CTBP2: variants seen among roughly 807,000 people sequenced by gnomAD.
The protein encoded by CTBP2 is C-terminal binding protein 2.
CTBP2 carries 30 observed loss-of-function variants against 80.3 expected under a neutral mutation model. That is an observed-to-expected ratio of 0.37 (90% CI 0.28 to 0.51). The LOEUF (loss-of-function observed/expected upper bound fraction) is 0.51, where lower values mean the gene tolerates loss of function less well. Among genes scored for constraint, CTBP2 ranks in the 20% least tolerant of loss-of-function variants. CTBP2 has a pLI of 0.93. For synonymous variants in CTBP2, 594 were observed against 587.4 expected, an observed-to-expected ratio of 1.01 and a Z score of -0.16; for missense variants, 1,212 against 1,375.3, an observed-to-expected ratio of 0.88 and a Z score of 1.88.
At chr10:125,001,822 A>T (rs933585825) in intron 3 of CTBP2, among the ~76,000 whole-genome samples, 1 of 152,134 alleles carries the variant, frequency 6.6e-6, no homozygotes, top group Admixed American at 6.5e-5. Context: ...GCCGTGAAGG[A>T]TTCAACTAAG....
At chr10:125,151,831 G>A (rs978416129) in intron 1 of CTBP2, among the ~76,000 whole-genome samples, 1 of 152,182 alleles carries the variant, frequency 6.6e-6, no homozygotes, top group African/African-American at 2.4e-5. Context: ...TTGAGGCGGC[G>A]TCTAGCTGGA....
rs1326797810 is a variant in CTBP2 at position 124,986,123 on chromosome 10, C to CT, written c.*3394dup. 6.6e-6 allele frequency: 1 copy of CT among 152,498 alleles called. No homozygotes were observed. Among genetic ancestry groups the CT allele is most frequent in the Non-Finnish European group, 1.5e-5 (1 of 68,000 alleles). 9.4% of individuals were successfully genotyped at this position (152,498 alleles called of 1,614,324 possible). On this transcript the variant is annotated 3_prime_UTR_variant, in exon 9 of 9. Transcript: ENST00000309035. ...AAAACTATAATCTTAGGTAGAAAAA[C>CT]TTTTTTATAAGAAGTATTATTTGAC...
At chr10:125,013,535 T>G (rs889843217) in intron 1 of CTBP2, among the ~76,000 whole-genome samples, 1 of 152,168 alleles carries the variant, frequency 6.6e-6, no homozygotes, top group Non-Finnish European at 1.5e-5. Context: ...AACAAAGGGA[T>G]GGTAAACAGT....
chr10:125,104,472 C>T (rs1027960879), intron 2 of CTBP2, among the ~76,000 whole-genome samples: 8 of 152,234 alleles, frequency 5.3e-5, no homozygotes, highest in East Asian at 1.9e-4. Flanking sequence ...TTGTTTGCTC[C>T]GCGTGCCTGA....
intron 1 of CTBP2, among the ~76,000 whole-genome samples, chr10:125,151,325 G>C (rs1367689330): frequency 6.6e-6 from 1 of 152,110 alleles, no homozygotes; most frequent in Admixed American, 6.5e-5. Context: ...GGGAGCCGCC[G>C]GGGTGAACAG....
At chr10:125,024,973 A>T (rs1293735696) in intron 1 of CTBP2, among the ~76,000 whole-genome samples, 1 of 152,190 alleles carries the variant, frequency 6.6e-6, no homozygotes, top group African/African-American at 2.4e-5. Context: ...GGTCATCTCT[A>T]GGAGGTAATA....
intron 1 of CTBP2, chr10:125,006,151 G>A: frequency 2.2e-6 from 1 of 448,420 alleles, no homozygotes; most frequent in Non-Finnish European, 3.4e-6. Flanking sequence ...CCTCCCTGAT[G>A]GCCGGGCACG....
intron 2 of CTBP2, among the ~76,000 whole-genome samples, chr10:125,080,988 T>G (rs1019495188): frequency 2.6e-5 from 4 of 151,096 alleles, no homozygotes; most frequent in Non-Finnish European, 5.9e-5. Context: ...GATAATAGCT[T>G]TACAGTGGAG....
chr10:125,026,888 G>A lies in CTBP2; in HGVS notation c.872C>T (p.Pro291Leu). ...CGCCCGCAGAAAGGCCAGGAACTCAGGGAGCACGGTCCTCTTGCCACCAGG... is the reference window on the plus strand; with the variant it reads ...CGCCCGCAGAAAGGCCAGGAACTCAAGGAGCACGGTCCTCTTGCCACCAGG... The change falls in exon 1 of 9, where the codon CCT (proline) becomes CTT (leucine). Residue 291 changes from proline to leucine, a missense_variant. Coordinates refer to ENST00000309035, the MANE Select transcript of CTBP2 (RefSeq NM_022802.3). The A allele has an allele frequency of 1.2e-6, 2 of 1,613,974 alleles. No homozygotes were observed. Among genetic ancestry groups the A allele is most frequent in the Non-Finnish European group, 1.7e-6 (2 of 1,180,014 alleles).
chr10:124,995,165 C>T (rs988061222), intron 4 of CTBP2, among the ~76,000 whole-genome samples: 1 of 152,238 alleles, frequency 6.6e-6, no homozygotes, highest in Non-Finnish European at 1.5e-5. Flanking sequence ...CAAAGGGTGA[C>T]ATGAGCACAA....
intron 1 of CTBP2, among the ~76,000 whole-genome samples, chr10:125,008,441 G>C (rs1436248715): frequency 6.6e-6 from 1 of 152,246 alleles, no homozygotes; most frequent in African/African-American, 2.4e-5. Flanking sequence ...AGCTGACCGA[G>C]CTATCACATT....
intron 1 of CTBP2, among the ~76,000 whole-genome samples, chr10:125,115,857 G>T (rs1853169123): frequency 6.6e-6 from 1 of 152,108 alleles, no homozygotes; most frequent in South Asian, 2.1e-4. Flanking sequence ...GAACCATCCA[G>T]AATTCTGCAC....
chr10:125,018,191 G>A (rs1423787623), intron 1 of CTBP2, among the ~76,000 whole-genome samples: 2 of 152,198 alleles, frequency 1.3e-5, no homozygotes, highest in African/African-American at 4.8e-5. Flanking sequence ...AATGTCCAGA[G>A]TCTTCCTGGG....
upstream of CTBP2, chr10:125,160,955 A>G (rs1013205743): frequency 6.7e-6 from 1 of 150,036 alleles, no homozygotes; most frequent in African/African-American, 2.5e-5. Flanking sequence ...CGGAGAGAAA[A>G]GGAAAGGAAA....
chr10:125,045,691 A>G (rs1011578254), intron 2 of CTBP2, among the ~76,000 whole-genome samples: 16 of 152,106 alleles, frequency 1.1e-4, no homozygotes, highest in African/African-American at 3.6e-4. Flanking sequence ...GGGTTTCACC[A>G]CGTTGGCCAG....
Position 125,066,534 on chromosome 10 carries a change from C to T in CTBP2, c.-101-27379G>A, listed in dbSNP as rs1433209134. Among the ~76,000 whole-genome samples, 2 of 152,140 alleles carry T rather than the reference C, an allele frequency of 1.3e-5. No individual in the cohort carries two copies. Among genetic ancestry groups the T allele is most frequent in the South Asian group, 4.1e-4 (2 of 4,830 alleles). The stretch of plus-strand genomic sequence containing the variant: ...GTACAGGAGCCTGCTGGGGGTAGCT[C>T]ACGGGGACTGGAAGCATGGCCCTGA... On this transcript the variant is annotated intron_variant, in intron 2 of 10. Transcript: ENST00000337195. The surrounding 1 kb of genome is among the most constrained non-coding windows in gnomAD (Gnocchi z 4.1).
chr10:124,985,047 G>C lies in CTBP2; in HGVS notation c.*4471C>G. The stretch of plus-strand genomic sequence containing the variant: ...GCATCAGATCTGTAATGACCCTAAA[G>C]TTAGTGTGGTGCTCCAAGCAGAGTC... On this transcript the variant is annotated 3_prime_UTR_variant, in exon 9 of 9. Coordinates refer to ENST00000309035, the MANE Select transcript of CTBP2 (RefSeq NM_022802.3). 7.3e-7 allele frequency: 1 copy of C among 1,362,846 alleles called. No individual in the cohort carries two copies. The highest frequency in any genetic ancestry group is 1.0e-6 in the Non-Finnish European group (1 of 978,974). 84.4% of individuals were successfully genotyped at this position (1,362,846 alleles called of 1,614,324 possible).
At chr10:125,063,993 G>GC (rs1243201756) in intron 2 of CTBP2, among the ~76,000 whole-genome samples, 2 of 152,034 alleles carry the variant, frequency 1.3e-5, no homozygotes, top group Non-Finnish European at 2.9e-5. Context: ...AACTTTAGAG[G>GC]CCATCGTAAT....
chr10:125,131,252 C>A (rs530417377), intron 1 of CTBP2, among the ~76,000 whole-genome samples: 1 of 152,174 alleles, frequency 6.6e-6, no homozygotes, highest in South Asian at 2.1e-4. Context: ...AGCAGAAGAT[C>A]AGGAGCGTCT....
Sources: gnomAD v4.1 joint callset for allele counts (sites outside exome capture counted in the v4.1 genomes callset) on GRCh38, gnomAD v4.1.1 for gene constraint, Gnocchi (gnomAD v3.1) non-coding constraint, MANE v1.5 for transcripts, NCBI Gene and HGNC (gene_info 2026-07-23, HGNC 2026-07-21) for gene names.